The following LRRC7 variants were observed in gnomAD, a reference collection of about 807,000 sequenced individuals.
The protein encoded by LRRC7 is leucine-rich repeat-containing protein 7.
A neutral mutation model predicts 175.7 loss-of-function variants in LRRC7; 23 were observed. That is an observed-to-expected ratio of 0.13 (90% CI 0.09 to 0.19). The LOEUF (loss-of-function observed/expected upper bound fraction) is 0.19. LRRC7 is among the 10% of genes least tolerant of loss of function. The pLI, the probability that LRRC7 is intolerant of heterozygous loss-of-function variation, is 1.00. For synonymous variants in LRRC7, 685 were observed against 680.9 expected (o/e 1.01, Z -0.09); for missense variants, 1,354 against 1,904.7 (o/e 0.71, Z 5.38).
chr1:69,823,148 T>G (rs1679495346), intron 4 of LRRC7, among the ~76,000 whole-genome samples: 2 of 152,224 alleles, frequency 1.3e-5, no homozygotes, highest in African/African-American at 4.8e-5. Context: ...ATTCCTTGAA[T>G]GAGTGAGCTT....
intron 2 of LRRC7, among the ~76,000 whole-genome samples, chr1:69,759,779 TG>T: frequency 6.6e-6 from 1 of 152,096 alleles, no homozygotes; most frequent in East Asian, 1.9e-4. Context: ...ATGGGAGAAA[TG>T]TTTTTTTCCG....
chr1:70,078,787 C>T (rs1236065010), intron 24 of LRRC7, among the ~76,000 whole-genome samples: 9 of 144,034 alleles, frequency 6.2e-5, no homozygotes, highest in Admixed American at 2.1e-4. Context: ...TACAGTTCTA[C>T]ATATACGCGC....
At chr1:69,862,879 T>C (rs1255703921) in intron 7 of LRRC7, among the ~76,000 whole-genome samples, 1 of 151,752 alleles carries the variant, frequency 6.6e-6, no homozygotes, top group Non-Finnish European at 1.5e-5. Context: ...CCTGTGTCCA[T>C]GTGTTCTCAT....
intron 9 of LRRC7, among the ~76,000 whole-genome samples, chr1:69,984,080 C>A (rs1232167757): frequency 6.6e-6 from 1 of 152,090 alleles, no homozygotes; most frequent in East Asian, 1.9e-4. Context: ...TGCCCGCCAC[C>A]ATAGTCAGCT....
At position 69,807,440 on chromosome 1, in the gene LRRC7, G is replaced by T. The variant is rs537915526; in HGVS notation, c.421+15280G>T. Among the ~76,000 whole-genome samples, 15 of 152,170 alleles carry T rather than the reference G, an allele frequency of 9.9e-5. No individual in the cohort carries two copies. The South Asian group carries it at 2.7e-3, about 27-fold the overall frequency. On this transcript the variant is annotated intron_variant, in intron 4 of 26. Transcript: ENST00000651989. ...GATTTTGCAGCGACTGGTACCGGTTGTTCCTTTCCATGTTTAGTGCTTCCT... is the reference window on the plus strand; with the variant it reads ...GATTTTGCAGCGACTGGTACCGGTTTTTCCTTTCCATGTTTAGTGCTTCCT...
At chr1:69,669,006 T>A (rs1658675284) in intron 1 of LRRC7, among the ~76,000 whole-genome samples, 1 of 152,190 alleles carries the variant, frequency 6.6e-6, no homozygotes. Flanking sequence ...TGTTGTAATT[T>A]TTATTTATAT....
At chr1:69,729,092 G>A (rs1296459212) in intron 2 of LRRC7, among the ~76,000 whole-genome samples, 2 of 152,100 alleles carry the variant, frequency 1.3e-5, no homozygotes, top group Non-Finnish European at 2.9e-5. Context: ...ACTATCACAA[G>A]AGCAGCACAA....
intron 2 of LRRC7, among the ~76,000 whole-genome samples, chr1:69,704,449 T>C (rs1004638750): frequency 6.6e-6 from 1 of 151,972 alleles, no homozygotes; most frequent in Non-Finnish European, 1.5e-5. Context: ...AAATAAGAAA[T>C]ATATTACTAC....
At chr1:69,756,170 A>G (rs1168924104) in intron 2 of LRRC7, among the ~76,000 whole-genome samples, 1 of 151,992 alleles carries the variant, frequency 6.6e-6, no homozygotes, top group Non-Finnish European at 1.5e-5. Flanking sequence ...GATAAAGGGT[A>G]AGACAAGACA....
intron 7 of LRRC7, chr1:69,919,670 T>G (rs1433847670): frequency 2.1e-6 from 2 of 949,954 alleles, no homozygotes; most frequent in Non-Finnish European, 3.4e-6. Context: ...GTCTCCGGCC[T>G]CACAATTCAG....
chr1:69,769,860 A>G (rs1184838671), intron 3 of LRRC7, among the ~76,000 whole-genome samples: 4 of 152,170 alleles, frequency 2.6e-5, no homozygotes, highest in Admixed American at 2.0e-4. Flanking sequence ...TTTAATATGG[A>G]TTTACAGTTG....
At chr1:70,117,105 G>C (rs1665912402) in intron 26 of LRRC7, among the ~76,000 whole-genome samples, 1 of 152,176 alleles carries the variant, frequency 6.6e-6, no homozygotes, top group Non-Finnish European at 1.5e-5. Flanking sequence ...TATCCTTTGG[G>C]TGGTGAATTT....
chr1:69,715,532 G>A (rs978470389), intron 2 of LRRC7, among the ~76,000 whole-genome samples: 6 of 151,818 alleles, frequency 4.0e-5, no homozygotes, highest in African/African-American at 9.7e-5. Flanking sequence ...AATGCATTTG[G>A]GGATTTTGGG....
intron 2 of LRRC7, among the ~76,000 whole-genome samples, chr1:69,689,004 A>G (rs1254024378): frequency 6.6e-6 from 1 of 152,198 alleles, no homozygotes; most frequent in Non-Finnish European, 1.5e-5. Flanking sequence ...TACTTGGGAT[A>G]TCAGGAATCA....
intron 7 of LRRC7, chr1:69,873,622 A>G (rs2101587845): frequency 2.3e-6 from 1 of 439,858 alleles, no homozygotes; most frequent in Non-Finnish European, 4.8e-6. Context: ...AGTTCTCCCA[A>G]ACTATATTAT....
chr1:70,072,578 ACTGCTGCTGCTGCTGCTGCTGCTGCTG>A (rs6143270), intron 23 of LRRC7, among the ~76,000 whole-genome samples: 27 of 150,724 alleles, frequency 1.8e-4, no homozygotes, highest in Middle Eastern at 6.8e-3. Context: ...GAGACAAAAA[ACTGCTGCTGCTGCTGCTGCTGCTGCTG>A]CTGCTGCTGC....
intron 8 of LRRC7, among the ~76,000 whole-genome samples, chr1:69,950,083 CAT>C (rs777060611): frequency 2.3e-4 from 35 of 151,982 alleles, no homozygotes; most frequent in Non-Finnish European, 4.6e-4. Flanking sequence ...CCATTCACCA[CAT>C]GTTTACTCTA....
chr1:69,760,440 A>T (rs752500837), intron 3 of LRRC7, 47 bp downstream of exon 3: 2 of 1,476,922 alleles, frequency 1.4e-6, no homozygotes, highest in East Asian at 4.7e-5. Context: ...AGTATTTCAT[A>T]ATTTTCAAAT....
chr1:69,670,468 T>G (rs1283105805), intron 1 of LRRC7, among the ~76,000 whole-genome samples: 1 of 152,156 alleles, frequency 6.6e-6, no homozygotes, highest in East Asian at 1.9e-4. Flanking sequence ...GGATCAGACC[T>G]AAAGCCAGCA....
Sources: gnomAD v4.1 joint callset for allele counts (sites outside exome capture counted in the v4.1 genomes callset) on GRCh38, gnomAD v4.1.1 for gene constraint, MANE v1.5 for transcripts, NCBI Gene and HGNC (gene_info 2026-07-23, HGNC 2026-07-21) for gene names.